The following LIPI variants were observed in gnomAD, a reference collection of about 807,000 sequenced individuals.
LIPI encodes lipase member I.
Under a neutral mutation model 50.6 loss-of-function variants are expected in LIPI, and 59 were observed. The ratio of observed to expected loss-of-function variants is 1.16; its 90% CI spans 0.94 to 1.45. The LOEUF (loss-of-function observed/expected upper bound fraction) is 1.45, where lower values mean the gene tolerates loss of function less well. Ranked by LOEUF, LIPI falls within the 40% of genes most tolerant of loss-of-function variation. The probability of loss-of-function intolerance (pLI) is 0.00; values close to 1 mark genes in which losing one functional copy is unlikely to be tolerated. For missense variants in LIPI, 586 were observed against 536.3 expected (o/e 1.09, Z -0.92); for synonymous variants, 203 against 178.2 (o/e 1.14, Z -1.11).
At position 14,152,621 on chromosome 21, in the gene LIPI, A is replaced by C. The variant is rs917214002; in HGVS notation, c.1070T>G (p.Phe357Cys). The change falls in exon 8 of 10, where the codon TTT becomes TGT. Residue 357 changes from phenylalanine to cysteine, a missense_variant. Physicochemically the swap from Phe to Cys is radical, Grantham distance 205. Coordinates refer to ENST00000681601, the MANE Select transcript of LIPI (RefSeq NM_001302998.2). ...CATTCCAAGCTGATTTAATAATTTA[A>C]ATGAAAACGAGCCATCCATCATAGT... Reference protein sequence around the residue: ...DKTMMDGSFSFKLLNQLGMIE... With the variant: ...DKTMMDGSFSCKLLNQLGMIE... 1.3e-6 allele frequency: 2 copies of C among 1,592,394 alleles called. No homozygotes were observed. Among genetic ancestry groups the C allele is most frequent in the Admixed American group, 1.7e-5 (1 of 59,844 alleles).
chr21:14,178,376 A>G (rs1004459981), intron 4 of LIPI, among the ~76,000 whole-genome samples: 14 of 152,154 alleles, frequency 9.2e-5, no homozygotes, highest in African/African-American at 3.4e-4. Flanking sequence ...CTGTTGGTCT[A>G]TATTGTCTAT....
In LIPI at chr21:14,195,747, T is replaced by C. The variant is rs920968199; in HGVS notation, c.47-6328A>G. On this transcript the variant is annotated intron_variant, in intron 1 of 9. Transcript: ENST00000681601. ...AAAAATACTTGTATCTAGACTAACA[T>C]GTATATGTATTATAATAAGAAAATT... Among the ~76,000 whole-genome samples, 3 of 152,156 alleles carry C rather than the reference T, an allele frequency of 2.0e-5. No individual in the cohort carries two copies. In the East Asian group the frequency reaches 5.8e-4, roughly 29 times the overall value.
intron 9 of LIPI, among the ~76,000 whole-genome samples, chr21:14,123,205 T>C (rs1203325109): frequency 6.6e-6 from 1 of 152,232 alleles, no homozygotes; most frequent in Non-Finnish European, 1.5e-5. Flanking sequence ...GAAAAGACTT[T>C]CAGACTCCCG....
chr21:14,124,038 G>A lies in LIPI; in HGVS notation c.1296-14958C>T, dbSNP rs148777533. 7.7e-3 allele frequency among the ~76,000 whole-genome samples: 1,174 copies of A among 152,248 alleles called. 19 individuals carry two copies. The highest frequency in any genetic ancestry group is 0.026 in the African/African-American group (1,064 of 41,540). On this transcript the variant is annotated intron_variant, in intron 9 of 9. Transcript: ENST00000681601. The stretch of plus-strand genomic sequence containing the variant: ...AGCCCAAACTCACTTTTTGGAGGAT[G>A]GTTCTCATGGTTTGGAGGCTTTAAA...
intron 9 of LIPI, among the ~76,000 whole-genome samples, chr21:14,126,796 T>G (rs1043219990): frequency 6.6e-6 from 1 of 152,202 alleles, no homozygotes; most frequent in African/African-American, 2.4e-5. Flanking sequence ...GGAGCAACTC[T>G]AATTCTATGT....
chr21:14,138,835 TAACA>T (rs924964582), intron 9 of LIPI, among the ~76,000 whole-genome samples: 85 of 152,218 alleles, frequency 5.6e-4, no homozygotes, highest in African/African-American at 1.9e-3. Context: ...TTTATTTATT[TAACA>T]AACATTTACA....
chr21:14,172,286 A>C (rs555253939), intron 4 of LIPI, among the ~76,000 whole-genome samples: 123 of 152,228 alleles, frequency 8.1e-4, no homozygotes, highest in African/African-American at 2.8e-3. Flanking sequence ...AAACTAGTTC[A>C]ACCATTGTGG....
Position 14,169,950 on chromosome 21 carries a change from A to C in LIPI, c.644-3499T>G, listed in dbSNP as rs1054158577. 5.9e-5 allele frequency among the ~76,000 whole-genome samples: 9 copies of C among 152,150 alleles called. 1 individual carries two copies. The highest frequency in any genetic ancestry group is 2.6e-4 in the Admixed American group (4 of 15,266). On this transcript the variant is annotated intron_variant, in intron 4 of 9. Coordinates refer to ENST00000681601, the MANE Select transcript of LIPI (RefSeq NM_001302998.2). The stretch of plus-strand genomic sequence containing the variant: ...GCTGGTTTTTTGAAAGGATCAACAA[A>C]ATTGATAGACCGCTAGCAAGACTAA...
chr21:14,180,360 C>G (rs755689746), intron 4 of LIPI, among the ~76,000 whole-genome samples: 1 of 152,222 alleles, frequency 6.6e-6, no homozygotes, highest in African/African-American at 2.4e-5. Context: ...TTTTTAAAAC[C>G]CTTAATAAAA....
intron 3 of LIPI, among the ~76,000 whole-genome samples, chr21:14,183,618 C>T (rs950787790): frequency 2.6e-5 from 4 of 152,070 alleles, no homozygotes; most frequent in Non-Finnish European, 5.9e-5. Context: ...TGAACTCAAA[C>T]AAATTTACAA....
chr21:14,150,203 G>A (rs772643182), intron 8 of LIPI, among the ~76,000 whole-genome samples: 5 of 152,102 alleles, frequency 3.3e-5, no homozygotes. Context: ...AATAGTATGG[G>A]GGAAACCACT....
Position 14,181,806 on chromosome 21 carries a change from C to G in LIPI, c.595G>C (p.Asp199His). 1.2e-6 allele frequency: 2 copies of G among 1,612,690 alleles called. No individual in the cohort carries two copies. The highest frequency in any genetic ancestry group is 1.7e-6 in the Non-Finnish European group (2 of 1,179,028). Residue 199 changes from aspartate (D) to histidine (H), a missense_variant, in exon 4 of 10, where the codon GAT (aspartate) becomes CAT (histidine). By Grantham distance (81) the Asp-to-His change is moderately conservative. Transcript: ENST00000681601. ...FSRKPPYSRL[D>H]YTDAKFVDVI... ...TCCACAAACTTTGCATCCGTGTAATCTAATCTGCTATATGGTGGTTTTCTG... is the reference window on the plus strand; with the variant it reads ...TCCACAAACTTTGCATCCGTGTAATGTAATCTGCTATATGGTGGTTTTCTG...
chr21:14,123,853 G>C (rs1421960391), intron 9 of LIPI, among the ~76,000 whole-genome samples: 1 of 152,130 alleles, frequency 6.6e-6, no homozygotes, highest in Non-Finnish European at 1.5e-5. Flanking sequence ...ACCAAAATAG[G>C]CTAGCATTAG....
chr21:14,140,783 A>G (rs1051299447), intron 9 of LIPI, among the ~76,000 whole-genome samples: 1 of 152,072 alleles, frequency 6.6e-6, no homozygotes, highest in African/African-American at 2.4e-5. Flanking sequence ...TCAAGCATCA[A>G]ATATCTTTAT....
chr21:14,167,832 T>G (rs2018748040), intron 4 of LIPI, among the ~76,000 whole-genome samples: 1 of 152,182 alleles, frequency 6.6e-6, no homozygotes, highest in Non-Finnish European at 1.5e-5. Context: ...AGGAATGCAG[T>G]TCCTCACCAA....
chr21:14,145,646 C>T (rs532229937), intron 8 of LIPI, among the ~76,000 whole-genome samples: 93 of 150,774 alleles, frequency 6.2e-4, no homozygotes, highest in African/African-American at 1.9e-3. Context: ...AAGTAGAAGG[C>T]GGAGGTGGAG....
At chr21:14,117,683 C>G (rs1475857854) in intron 9 of LIPI, among the ~76,000 whole-genome samples, 2 of 152,114 alleles carry the variant, frequency 1.3e-5, no homozygotes, top group Non-Finnish European at 2.9e-5. Flanking sequence ...CCTTTTGACC[C>G]AGAAGTGGCA....
intron 4 of LIPI, among the ~76,000 whole-genome samples, chr21:14,172,729 G>C (rs1360978256): frequency 6.6e-6 from 1 of 151,840 alleles, no homozygotes; most frequent in African/African-American, 2.4e-5. Context: ...GGTGGGGGAA[G>C]GGGGGAGGGA....
At chr21:14,152,806 A>G (rs1326940569) in intron 7 of LIPI, 122 bp from the exon 8 acceptor site, 7 of 569,686 alleles carry the variant, frequency 1.2e-5, no homozygotes, top group Non-Finnish European at 2.2e-5. Context: ...CATATTACAT[A>G]TGCAAATAAT....
Sources: allele counts gnomAD v4.1 joint callset (sites outside exome capture counted in the v4.1 genomes callset), GRCh38; gene constraint gnomAD v4.1.1; transcripts MANE v1.5; gene names NCBI Gene and HGNC (gene_info 2026-07-23, HGNC 2026-07-21).